The following SPTBN1 variants were observed in gnomAD, a reference collection of about 807,000 sequenced individuals.
SPTBN1 encodes the protein spectrin beta chain, non-erythrocytic 1.
In SPTBN1, 32 loss-of-function variants were observed where a neutral mutation model predicts 266.4. The observed-to-expected ratio is 0.12, with a 90% CI of 0.09 to 0.16. The LOEUF (loss-of-function observed/expected upper bound fraction) is 0.16. SPTBN1 is among the 10% of genes least tolerant of loss of function. The pLI is 1.00. For missense variants in SPTBN1, 2,296 were observed against 3,067.1 expected, an observed-to-expected ratio of 0.75 and a Z score of 5.94; for synonymous variants, 1,336 against 1,162.2, an observed-to-expected ratio of 1.15 and a Z score of -3.04.
intron 1 of SPTBN1, among the ~76,000 whole-genome samples, chr2:54,498,897 A>C (rs1669110221): frequency 6.6e-6 from 1 of 152,170 alleles, no homozygotes; most frequent in African/African-American, 2.4e-5. Context: ...CAGTGTTTTC[A>C]CCTAGTGGTT....
intron 2 of SPTBN1, among the ~76,000 whole-genome samples, chr2:54,560,912 T>C (rs1236540214): frequency 1.3e-5 from 2 of 152,214 alleles, no homozygotes; most frequent in Non-Finnish European, 2.9e-5. Context: ...AGGAGAATTT[T>C]GATTAAACAC....
At chr2:54,651,494 A>C (rs765128519) in intron 26 of SPTBN1, among the ~76,000 whole-genome samples, 1 of 152,216 alleles carries the variant, frequency 6.6e-6, no homozygotes, top group Non-Finnish European at 1.5e-5. Flanking sequence ...CCAGGAGTAC[A>C]TGGTGCTTCT....
chr2:54,591,421 T>G (rs1488402212), intron 2 of SPTBN1, among the ~76,000 whole-genome samples: 1 of 152,224 alleles, frequency 6.6e-6, no homozygotes, highest in African/African-American at 2.4e-5. Flanking sequence ...ACTACATGAT[T>G]GCTGTCTCTT....
Position 54,668,380 on chromosome 2 carries a change from C to A in SPTBN1, c.6906C>A (p.Ile2302=). ...AAATGAACACATGGATCCAGGCTAT[C>A]TCTTCCGCCATCTCCTCTGATAAAC... ...DEEMNTWIQA[I]SSAISSDKHE... The change falls in exon 36 of 36, where the codon ATC becomes ATA. Residue 2302 remains isoleucine (I), a synonymous_variant. Transcript: ENST00000356805. 6.2e-7 allele frequency: 1 copy of A among 1,614,194 alleles called. No individual in the cohort carries two copies. Among genetic ancestry groups the A allele is most frequent in the East Asian group, 2.2e-5 (1 of 44,876 alleles).
At chr2:54,474,431 C>A (rs1254323770) in intron 1 of SPTBN1, among the ~76,000 whole-genome samples, 1 of 151,938 alleles carries the variant, frequency 6.6e-6, no homozygotes, top group Non-Finnish European at 1.5e-5. Context: ...ACTTTGTGAC[C>A]CTGAGCAAGT....
chr2:54,653,624 G>C lies in SPTBN1; in HGVS notation c.5593G>C (p.Glu1865Gln). ...GGCTTCACAGGTGAGGCAGCTGCAG[G>C]AGGATGCAGCCCGCCTCCAGGCGGC... is the stretch of plus-strand genomic sequence containing the variant. ...ALGTQVRQLQ[E>Q]DAARLQAAYA... The change falls in exon 27 of 36, where the codon GAG (glutamate) becomes CAG (glutamine). Residue 1865 changes from glutamate (E) to glutamine (Q), a missense_variant. This residue lies in a region of SPTBN1 where 644 missense variants were observed against 745.3 expected (regional missense o/e 0.86). Coordinates refer to ENST00000356805, the MANE Select transcript of SPTBN1 (RefSeq NM_003128.3). This position sits in a 1 kb window ranked among gnomAD's most constrained non-coding sequence, Gnocchi z 5.1. 1.2e-6 allele frequency: 2 copies of C among 1,613,640 alleles called. No individual in the cohort carries two copies. Among genetic ancestry groups the C allele is most frequent in the South Asian group, 2.2e-5 (2 of 91,072 alleles).
intron 2 of SPTBN1, among the ~76,000 whole-genome samples, chr2:54,584,278 T>A (rs1228733833): frequency 6.6e-6 from 1 of 152,218 alleles, no homozygotes; most frequent in Non-Finnish European, 1.5e-5. Context: ...TTCAACCTAT[T>A]AATGTATATT....
At chr2:54,555,478 T>C (rs910227056) in intron 2 of SPTBN1, among the ~76,000 whole-genome samples, 1 of 152,192 alleles carries the variant, frequency 6.6e-6, no homozygotes, top group African/African-American at 2.4e-5. Context: ...TTGGATTAAT[T>C]TTTACGTCAG....
intron 24 of SPTBN1, among the ~76,000 whole-genome samples, chr2:54,648,084 G>A (rs950484476): frequency 1.3e-5 from 2 of 152,074 alleles, no homozygotes; most frequent in South Asian, 2.1e-4. Flanking sequence ...AAAAAGAAGA[G>A]GTGAGTGTGT....
intron 2 of SPTBN1, among the ~76,000 whole-genome samples, chr2:54,539,258 TC>T (rs1671794752): frequency 6.6e-6 from 1 of 152,220 alleles, no homozygotes; most frequent in Non-Finnish European, 1.5e-5. Flanking sequence ...ACTGAAGAAC[TC>T]ATTCATGGTC....
At chr2:54,638,282 A>G (rs1290144927) in intron 18 of SPTBN1, among the ~76,000 whole-genome samples, 1 of 152,256 alleles carries the variant, frequency 6.6e-6, no homozygotes, top group Non-Finnish European at 1.5e-5. Context: ...AGAAGTATTT[A>G]GTGTCATGCT....
At chr2:54,622,203 C>T in intron 8 of SPTBN1, 97 bp from the exon 9 acceptor site, 1 of 1,317,224 alleles carries the variant, frequency 7.6e-7, no homozygotes, top group Non-Finnish European at 1.1e-6. Flanking sequence ...TGTTTCAAAG[C>T]CGGTCGTTTT....
intron 3 of SPTBN1, among the ~76,000 whole-genome samples, chr2:54,609,813 G>A (rs138757260): frequency 2.6e-5 from 4 of 152,208 alleles, no homozygotes; most frequent in Non-Finnish European, 5.9e-5. Context: ...TCAGAAAACC[G>A]GTTGTCATTG....
At chr2:54,613,777 G>T (rs1677386257) in intron 4 of SPTBN1, among the ~76,000 whole-genome samples, 1 of 152,224 alleles carries the variant, frequency 6.6e-6, no homozygotes, top group Admixed American at 6.5e-5. Context: ...AGTAGCCATT[G>T]AATCCACTAA....
intron 2 of SPTBN1, chr2:54,529,769 A>G (rs772053476): frequency 1.3e-5 from 7 of 539,518 alleles, no homozygotes; most frequent in Admixed American, 1.0e-4. Flanking sequence ...CCTGATTATG[A>G]TGCTTTGGAT....
intron 34 of SPTBN1, 107 bp from the exon 35 acceptor site, chr2:54,667,497 G>A: frequency 9.2e-7 from 1 of 1,084,970 alleles, no homozygotes; most frequent in Non-Finnish European, 1.4e-6. Context: ...TGACGCTTCT[G>A]TTGTGACTCC....
At chr2:54,591,952 G>A (rs1184538447) in intron 2 of SPTBN1, among the ~76,000 whole-genome samples, 1 of 152,130 alleles carries the variant, frequency 6.6e-6, no homozygotes, top group African/African-American at 2.4e-5. Context: ...AGGATCACTG[G>A]AGACCAGGAG....
At chr2:54,513,712 C>T (rs1669972587) in intron 1 of SPTBN1, among the ~76,000 whole-genome samples, 1 of 152,144 alleles carries the variant, frequency 6.6e-6, no homozygotes, top group Admixed American at 6.5e-5. Flanking sequence ...ATAATTTAGT[C>T]AACCAGAAGA....
chr2:54,567,426 T>C (rs891287765), intron 2 of SPTBN1, among the ~76,000 whole-genome samples: 79 of 152,216 alleles, frequency 5.2e-4, no homozygotes, highest in African/African-American at 1.9e-3. Flanking sequence ...TGCAACCCTC[T>C]ACCTCTTGGG....
Sources: gnomAD v4.1 joint callset for allele counts (sites outside exome capture counted in the v4.1 genomes callset) on GRCh38, gnomAD v4.1.1 for gene constraint, gnomAD v4.1.1 regional missense constraint, Gnocchi (gnomAD v3.1) non-coding constraint, MANE v1.5 for transcripts, NCBI Gene and HGNC (gene_info 2026-07-23, HGNC 2026-07-21) for gene names.